The following PDS5B variants were observed in gnomAD, a reference collection of about 807,000 sequenced individuals.
PDS5B encodes PDS5 cohesin associated factor B.
Under a neutral mutation model 184.1 loss-of-function variants are expected in PDS5B, and 51 were observed. The observed-to-expected ratio is 0.28, with a 90% CI of 0.22 to 0.35. The LOEUF (loss-of-function observed/expected upper bound fraction) is 0.35, where lower values mean the gene tolerates loss of function less well. Ranked by LOEUF, PDS5B falls within the 10% of genes least tolerant of loss-of-function variation. The pLI, the probability that PDS5B is intolerant of heterozygous loss-of-function variation, is 1.00. For synonymous variants in PDS5B, 566 were observed against 569.2 expected (o/e 0.99, Z 0.08); for missense variants, 1,180 against 1,723.3 (o/e 0.68, Z 5.58).
intron 1 of PDS5B, among the ~76,000 whole-genome samples, chr13:32,614,141 A>G (rs1353470403): frequency 6.6e-6 from 1 of 152,132 alleles, no homozygotes; most frequent in Non-Finnish European, 1.5e-5. Context: ...CTTTGGGGTA[A>G]GTTATGAAAT....
intron 1 of PDS5B, among the ~76,000 whole-genome samples, chr13:32,626,601 A>G (rs2058374307): frequency 6.6e-6 from 1 of 150,620 alleles, no homozygotes; most frequent in South Asian, 2.1e-4. Context: ...ACATGTTTTC[A>G]GTCTTGCTGT....
rs1288101187 is a variant in PDS5B, at chr13:32,658,145, G to A, written c.313-94G>A. 1.8e-5 allele frequency: 12 copies of A among 671,608 alleles called. No individual in the cohort carries two copies. In the Admixed American group the frequency reaches 2.8e-4, roughly 15 times the overall value. 41.6% of individuals were successfully genotyped at this position (671,608 alleles called of 1,614,324 possible). ...GGTTCTTTATAGTTTATTATGATAT[G>A]TACACATGAGTGCTGAATAAACTCT... is the stretch of plus-strand genomic sequence containing the variant. On this transcript the variant is annotated intron_variant, in intron 3 of 34. Coordinates refer to ENST00000315596, the MANE Select transcript of PDS5B (RefSeq NM_015032.4).
intron 1 of PDS5B, among the ~76,000 whole-genome samples, chr13:32,588,567 C>T (rs556989842): frequency 1.3e-5 from 2 of 151,434 alleles, no homozygotes; most frequent in Non-Finnish European, 2.9e-5. Context: ...TTTTTCTTTT[C>T]TCCTTGTTTC....
At chr13:32,598,770 CTTTTT>C (rs756301581) in intron 1 of PDS5B, among the ~76,000 whole-genome samples, 3 of 126,360 alleles carry the variant, frequency 2.4e-5, no homozygotes, top group African/African-American at 5.9e-5. Context: ...TTTTTTCTCT[CTTTTT>C]TTTTTTTTTT....
At chr13:32,660,665 C>T (rs921980462) in intron 6 of PDS5B, among the ~76,000 whole-genome samples, 2 of 152,188 alleles carry the variant, frequency 1.3e-5, no homozygotes, top group Non-Finnish European at 2.9e-5. Context: ...GGCCTCCATC[C>T]GTTGATTGTC....
intron 1 of PDS5B, among the ~76,000 whole-genome samples, chr13:32,601,954 A>G (rs559870797): frequency 2.0e-5 from 3 of 152,336 alleles, no homozygotes; most frequent in East Asian, 1.9e-4. Context: ...TTTCTTTTGA[A>G]TTTGAACATT....
intron 1 of PDS5B, among the ~76,000 whole-genome samples, chr13:32,610,289 A>C (rs552352831): frequency 6.6e-6 from 1 of 152,356 alleles, no homozygotes; most frequent in Non-Finnish European, 1.5e-5. Context: ...AAAGTGCATA[A>C]TAAGTTAAGG....
intron 1 of PDS5B, among the ~76,000 whole-genome samples, chr13:32,616,769 T>A (rs958513914): frequency 6.6e-6 from 1 of 152,222 alleles, no homozygotes; most frequent in African/African-American, 2.4e-5. Context: ...TTTTGTTCCT[T>A]AACAATTCAA....
intron 6 of PDS5B, among the ~76,000 whole-genome samples, chr13:32,662,236 A>G (rs1950669493): frequency 6.6e-6 from 1 of 152,168 alleles, no homozygotes. Flanking sequence ...ATATAATGAG[A>G]AAAGATTCAG....
chr13:32,714,800 G>A (rs1039754244), intron 19 of PDS5B, among the ~76,000 whole-genome samples: 1 of 152,072 alleles, frequency 6.6e-6, no homozygotes, highest in Admixed American at 6.5e-5. Flanking sequence ...AAACACACAT[G>A]CTATATAATT....
At chr13:32,587,132 C>T (rs1461694301) in intron 1 of PDS5B, among the ~76,000 whole-genome samples, 2 of 146,274 alleles carry the variant, frequency 1.4e-5, no homozygotes, top group East Asian at 4.2e-4. Flanking sequence ...GGGCGAGGGG[C>T]GGGCGGGGAC....
At chr13:32,710,875 T>A (rs1952182406) in intron 19 of PDS5B, among the ~76,000 whole-genome samples, 1 of 152,192 alleles carries the variant, frequency 6.6e-6, no homozygotes, top group Admixed American at 6.5e-5. Flanking sequence ...AGACTGGGAG[T>A]AAAGCTAGCT....
intron 20 of PDS5B, among the ~76,000 whole-genome samples, chr13:32,733,123 G>A (rs1814942614): frequency 6.6e-6 from 1 of 152,168 alleles, no homozygotes; most frequent in Non-Finnish European, 1.5e-5. Flanking sequence ...TCAATAAATT[G>A]ATGTTAATTT....
At chr13:32,742,427 G>A (rs1020928957) in intron 22 of PDS5B, among the ~76,000 whole-genome samples, 164 bp from the exon 23 acceptor site, 2 of 152,012 alleles carry the variant, frequency 1.3e-5, no homozygotes, top group African/African-American at 2.4e-5. Flanking sequence ...TTGGATGTTT[G>A]AAACATCTTT....
Position 32,609,214 on chromosome 13 carries a change from C to T in PDS5B, c.-20+22621C>T, listed in dbSNP as rs192481470. On this transcript the variant is annotated intron_variant, in intron 1 of 34. Coordinates refer to ENST00000315596, the MANE Select transcript of PDS5B (RefSeq NM_015032.4). The stretch of plus-strand genomic sequence containing the variant: ...AAGAGAGGCTCCAAATCCCTTTATC[C>T]GTTGTTGGATTAATTTTTCTTTTAC... Among the ~76,000 whole-genome samples, 44 of 152,186 alleles carry T rather than the reference C, an allele frequency of 2.9e-4. No homozygotes were observed. The East Asian group carries it at 7.9e-3, about 27-fold the overall frequency.
intron 25 of PDS5B, among the ~76,000 whole-genome samples, chr13:32,753,776 A>T (rs1470875673): frequency 1.3e-5 from 2 of 152,230 alleles, no homozygotes; most frequent in African/African-American, 2.4e-5. Context: ...ATAAACAATG[A>T]CATTGGAGGT....
intron 26 of PDS5B, among the ~76,000 whole-genome samples, chr13:32,757,494 G>A (rs1029695426): frequency 7.8e-6 from 1 of 127,780 alleles, no homozygotes; most frequent in Non-Finnish European, 1.8e-5. Flanking sequence ...TAATACATAG[G>A]CAAAACACTT....
chr13:32,770,091 C>T lies in PDS5B; in HGVS notation c.3625-30C>T, dbSNP rs764525512. 7 of 1,541,528 alleles carry T rather than the reference C, an allele frequency of 4.5e-6. No homozygotes were observed. The Admixed American group carries it at 6.5e-5, about 14-fold the overall frequency. ...AATATGTATACTCACAATTTCATAA[C>T]CATAAATTGTGATTTTTTTTTTCCC... On this transcript the variant is annotated intron_variant, in intron 31 of 34. Coordinates refer to ENST00000315596, the MANE Select transcript of PDS5B (RefSeq NM_015032.4).
chr13:32,710,503 A>G (rs1454347334), intron 19 of PDS5B, among the ~76,000 whole-genome samples: 1 of 152,232 alleles, frequency 6.6e-6, no homozygotes, highest in African/African-American at 2.4e-5. Context: ...TTTAATTGAC[A>G]CAGGGAAGTC....
Sources: gnomAD v4.1 joint callset for allele counts (sites outside exome capture counted in the v4.1 genomes callset) on GRCh38, gnomAD v4.1.1 for gene constraint, MANE v1.5 for transcripts, NCBI Gene and HGNC (gene_info 2026-07-23, HGNC 2026-07-21) for gene names.